The following RAB36 variants were observed in gnomAD, a reference collection of about 807,000 sequenced individuals.
The protein encoded by RAB36 is RAB36, member RAS oncogene family, also known as ras-related protein Rab-36.
In RAB36, 33 loss-of-function variants were observed where a neutral mutation model predicts 39.3. The ratio of observed to expected loss-of-function variants is 0.84; its 90% CI spans 0.64 to 1.12. The LOEUF is 1.12. Among genes scored for constraint, RAB36 ranks in the 50% most tolerant of loss-of-function variants. The pLI is 0.00. For synonymous variants in RAB36, 133 were observed against 140.2 expected (o/e 0.95, Z 0.36); for missense variants, 308 against 355.3 (o/e 0.87, Z 1.07).
intron 6 of RAB36, among the ~76,000 whole-genome samples, chr22:23,157,760 G>C (rs1011410498): frequency 1.3e-5 from 2 of 152,182 alleles, no homozygotes; most frequent in Non-Finnish European, 2.9e-5. Context: ...ACCTTGTCCT[G>C]CCTCCCTGGA....
downstream of RAB36, among the ~76,000 whole-genome samples, chr22:23,166,729 G>A (rs1207710585): frequency 6.6e-6 from 1 of 152,078 alleles, no homozygotes; most frequent in Non-Finnish European, 1.5e-5. Context: ...TTGTTAACTG[G>A]TGCTCTACAC....
chr22:23,167,112 C>T (rs1323741675), downstream of RAB36, among the ~76,000 whole-genome samples: 1 of 152,096 alleles, frequency 6.6e-6, no homozygotes, highest in Non-Finnish European at 1.5e-5. Context: ...CCCTCCCCTG[C>T]CTCTGCTGCC....
intron 3 of RAB36, among the ~76,000 whole-genome samples, chr22:23,151,998 G>T (rs1351628425): frequency 6.6e-6 from 1 of 152,220 alleles, no homozygotes; most frequent in African/African-American, 2.4e-5. Context: ...CCACATCGGC[G>T]CACAGCCCCG....
intron 9 of RAB36, among the ~76,000 whole-genome samples, chr22:23,160,522 A>T (rs1466766414): frequency 6.6e-6 from 1 of 152,222 alleles, no homozygotes; most frequent in African/African-American, 2.4e-5. Flanking sequence ...GCAGGCACAT[A>T]TCTGTCCTGA....
intron 5 of RAB36, among the ~76,000 whole-genome samples, chr22:23,154,473 G>C (rs1486246756): frequency 1.3e-5 from 2 of 152,268 alleles, no homozygotes; most frequent in Non-Finnish European, 1.5e-5. Context: ...CCAGTCAAGA[G>C]CAAAGGAGGC....
At chr22:23,154,114 C>T (rs2146539626) in intron 5 of RAB36, among the ~76,000 whole-genome samples, 1 of 152,212 alleles carries the variant, frequency 6.6e-6, no homozygotes, top group South Asian at 2.1e-4. Context: ...CTTACCCTCT[C>T]CCACCCCAGC....
In RAB36 at chr22:23,164,603, C is replaced by T. The variant is rs2071991320; in HGVS notation, c.*3039C>T. Reference sequence around the variant, plus strand: ...AGCATCGGGCAGTAAGTTTCCTGGGCAGAGGCACTTTCTGTTGGTCTGGTC... The same window carrying T: ...AGCATCGGGCAGTAAGTTTCCTGGGTAGAGGCACTTTCTGTTGGTCTGGTC... On this transcript the variant is annotated 3_prime_UTR_variant, in exon 11 of 11. Coordinates refer to ENST00000263116, the MANE Select transcript of RAB36 (RefSeq NM_004914.5). Among the ~76,000 whole-genome samples, 1 of 152,182 alleles carries T rather than the reference C, an allele frequency of 6.6e-6. No individual in the cohort carries two copies. Among genetic ancestry groups the T allele is most frequent in the Admixed American group, 6.5e-5 (1 of 15,280 alleles).
chr22:23,156,776 C>T (rs1474475565), intron 6 of RAB36, among the ~76,000 whole-genome samples: 1 of 152,210 alleles, frequency 6.6e-6, no homozygotes, highest in Non-Finnish European at 1.5e-5. Context: ...CCAGCTCTGC[C>T]CTGGTCGCAT....
chr22:23,156,496 G>A (rs2071460760), intron 6 of RAB36, among the ~76,000 whole-genome samples: 1 of 152,174 alleles, frequency 6.6e-6, no homozygotes, highest in African/African-American at 2.4e-5. Flanking sequence ...ATGGCCAAGG[G>A]CAGCCAGGTG....
intron 4 of RAB36, 128 bp downstream of exon 4, chr22:23,152,654 C>T: frequency 1.1e-6 from 1 of 896,916 alleles, no homozygotes; most frequent in Non-Finnish European, 1.8e-6. Flanking sequence ...TGTGCCTCAG[C>T]CTGCTGGGAG....
chr22:23,146,541 C>T, intron 1 of RAB36, 64 bp from the exon 2 acceptor site: 1 of 1,580,368 alleles, frequency 6.3e-7, no homozygotes, highest in South Asian at 1.1e-5. Flanking sequence ...GGTGGAAACT[C>T]ATGGGTGAAT....
intron 5 of RAB36, 34 bp from the exon 6 acceptor site, chr22:23,155,934 C>T (rs1227171083): frequency 1.9e-6 from 3 of 1,580,858 alleles, no homozygotes; most frequent in Non-Finnish European, 2.6e-6. Context: ...TGTAGCCTGA[C>T]ACCATTTCCC....
At chr22:23,155,314 G>A (rs1358842218) in intron 5 of RAB36, among the ~76,000 whole-genome samples, 1 of 152,088 alleles carries the variant, frequency 6.6e-6, no homozygotes, top group East Asian at 1.9e-4. Flanking sequence ...ATCTCAGTAG[G>A]TGCTCTTTCC....
intron 10 of RAB36, 21 bp downstream of exon 10, chr22:23,161,019 G>A (rs371403565): frequency 4.4e-6 from 7 of 1,581,704 alleles, no homozygotes; most frequent in South Asian, 3.4e-5. Context: ...GTGTGACTGG[G>A]TTGGGCTGGG....
At chr22:23,165,950 T>C (rs1373838027), downstream of RAB36, among the ~76,000 whole-genome samples, 3 of 152,022 alleles carry the variant, frequency 2.0e-5, no homozygotes, top group East Asian at 3.9e-4. Flanking sequence ...ATAGAGACCA[T>C]CCTGGCTAAC....
chr22:23,159,413 C>A (rs2071649488), intron 9 of RAB36, among the ~76,000 whole-genome samples, 160 bp downstream of exon 9: 2 of 152,242 alleles, frequency 1.3e-5, no homozygotes, highest in South Asian at 4.1e-4. Flanking sequence ...TGGTGCCTGG[C>A]AGCACTTTCA....
intron 3 of RAB36, among the ~76,000 whole-genome samples, chr22:23,151,507 G>C (rs752458144): frequency 6.6e-6 from 1 of 152,188 alleles, no homozygotes; most frequent in Admixed American, 6.5e-5. Context: ...GGCAGAGGAA[G>C]TGCCTGTCAG....
downstream of RAB36, among the ~76,000 whole-genome samples, chr22:23,168,215 G>C (rs1303559637): frequency 6.6e-6 from 1 of 152,138 alleles, no homozygotes; most frequent in East Asian, 1.9e-4. Flanking sequence ...CTTGGCATGG[G>C]GCATAAGCCC....
At chr22:23,152,250 C>T (rs2071188368) in intron 3 of RAB36, among the ~76,000 whole-genome samples, 1 of 152,166 alleles carries the variant, frequency 6.6e-6, no homozygotes, top group Non-Finnish European at 1.5e-5. Context: ...GTGAGGGGTG[C>T]AGCTCTAGGG....
Sources: allele counts gnomAD v4.1 joint callset (sites outside exome capture counted in the v4.1 genomes callset), GRCh38; gene constraint gnomAD v4.1.1; transcripts MANE v1.5; gene names NCBI Gene and HGNC (gene_info 2026-07-23, HGNC 2026-07-21).